Variants in PTPRD observed in about 807,000 individuals in gnomAD.
PTPRD encodes the protein protein tyrosine phosphatase receptor type D, also known as receptor-type tyrosine-protein phosphatase delta.
A neutral mutation model predicts 214.5 loss-of-function variants in PTPRD; 34 were observed. The observed-to-expected ratio is 0.16, with a 90% CI of 0.12 to 0.21. PTPRD has a LOEUF of 0.21. Among genes scored for constraint, PTPRD ranks in the 10% least tolerant of loss-of-function variants. PTPRD has a pLI of 1.00. For synonymous variants in PTPRD, 1,128 were observed against 845.7 expected (o/e 1.33, Z -5.79); for missense variants, 2,545 against 2,398.7 (o/e 1.06, Z -1.27).
intron 6 of PTPRD, among the ~76,000 whole-genome samples, chr9:9,745,908 C>A (rs1282126627): frequency 6.6e-6 from 1 of 152,050 alleles, no homozygotes; most frequent in Non-Finnish European, 1.5e-5. Flanking sequence ...GTATAATAGG[C>A]TTTAATAATA....
chr9:8,418,610 T>G (rs1404218624), intron 35 of PTPRD, among the ~76,000 whole-genome samples: 1 of 151,972 alleles, frequency 6.6e-6, no homozygotes, highest in Non-Finnish European at 1.5e-5. Flanking sequence ...TGTCTCAATT[T>G]CTGTGAAAGT....
At chr9:9,559,216 T>C (rs553863416) in intron 8 of PTPRD, among the ~76,000 whole-genome samples, 1 of 152,090 alleles carries the variant, frequency 6.6e-6, no homozygotes, top group East Asian at 1.9e-4. Flanking sequence ...GGGTAAGTTG[T>C]CTACAGGATG....
chr9:8,338,421 A>G (rs1045004963), intron 43 of PTPRD, among the ~76,000 whole-genome samples: 3 of 152,266 alleles, frequency 2.0e-5, no homozygotes, highest in Admixed American at 6.5e-5. Flanking sequence ...AAGCCATGCC[A>G]GGAATCAAAT....
At chr9:9,749,031 CCTT>C (rs34309675) in intron 6 of PTPRD, among the ~76,000 whole-genome samples, 78,632 of 151,494 alleles carry the variant, frequency 0.52, 23,356 homozygotes, top group African/African-American at 0.81. Context: ...GTATAATCTC[CCTT>C]CTTCTTCTTT....
At chr9:9,078,093 C>T (rs1005652331) in intron 10 of PTPRD, among the ~76,000 whole-genome samples, 2 of 151,978 alleles carry the variant, frequency 1.3e-5, no homozygotes, top group African/African-American at 2.4e-5. Context: ...CTTCATATAA[C>T]ATTTGAGTCC....
chr9:8,832,137 T>C (rs1342593347), intron 11 of PTPRD, among the ~76,000 whole-genome samples: 1 of 150,436 alleles, frequency 6.6e-6, no homozygotes, highest in Non-Finnish European at 1.5e-5. Flanking sequence ...TGTGTGTGTA[T>C]GATCTATACA....
At chr9:9,315,445 T>C (rs536925730) in intron 9 of PTPRD, among the ~76,000 whole-genome samples, 1 of 152,088 alleles carries the variant, frequency 6.6e-6, no homozygotes, top group South Asian at 2.1e-4. Flanking sequence ...TTAAAAATTG[T>C]AGAAAAGGAA....
chr9:9,935,479 G>A (rs1465238348), intron 5 of PTPRD, among the ~76,000 whole-genome samples: 3 of 152,050 alleles, frequency 2.0e-5, no homozygotes, highest in Non-Finnish European at 4.4e-5. Flanking sequence ...ATTCACAATT[G>A]CTTCAAAGAG....
chr9:9,219,392 T>C (rs1314499961), intron 9 of PTPRD, among the ~76,000 whole-genome samples: 4 of 147,174 alleles, frequency 2.7e-5, no homozygotes, highest in African/African-American at 1.0e-4. Flanking sequence ...TCCATAATGA[T>C]AATGCATCTT....
In PTPRD at chr9:10,062,246, G is replaced by A. The variant is rs559554250; in HGVS notation, c.-544-28456C>T. Among the ~76,000 whole-genome samples the A allele has an allele frequency of 1.2e-4, 18 of 152,122 alleles. No individual in the cohort carries two copies. In the South Asian group the frequency reaches 3.5e-3, roughly 30 times the overall value. ...AAGATGTAAGACTTTTCTATCCACA[G>A]CGTGATAAGTAATTGTATTCCACCA... On this transcript the variant is annotated intron_variant, in intron 3 of 45. Transcript: ENST00000381196.
At chr9:8,979,024 T>C (rs1164111333) in intron 11 of PTPRD, among the ~76,000 whole-genome samples, 11 of 152,134 alleles carry the variant, frequency 7.2e-5, no homozygotes, top group Admixed American at 6.6e-4. Context: ...TCTTGTGAAG[T>C]TGAAAAATCT....
chr9:9,490,710 G>T (rs1477191760), intron 8 of PTPRD, among the ~76,000 whole-genome samples: 1 of 151,148 alleles, frequency 6.6e-6, no homozygotes, highest in Non-Finnish European at 1.5e-5. Context: ...CACAAAGAAA[G>T]CAGCTATAAA....
At chr9:9,012,069 T>C (rs1465665555) in intron 11 of PTPRD, among the ~76,000 whole-genome samples, 1 of 152,126 alleles carries the variant, frequency 6.6e-6, no homozygotes, top group African/African-American at 2.4e-5. Flanking sequence ...CAAGGTACCA[T>C]GTTGTGAGAG....
At chr9:9,265,467 C>G (rs1289849212) in intron 9 of PTPRD, among the ~76,000 whole-genome samples, 1 of 151,350 alleles carries the variant, frequency 6.6e-6, no homozygotes, top group Non-Finnish European at 1.5e-5. Flanking sequence ...CTGTGTTGCC[C>G]AGGCTAGTCT....
intron 9 of PTPRD, among the ~76,000 whole-genome samples, chr9:9,306,580 A>G (rs1000044220): frequency 6.6e-6 from 1 of 151,866 alleles, no homozygotes; most frequent in Non-Finnish European, 1.5e-5. Context: ...AAAAAAAAAA[A>G]AAAAAAAAAT....
intron 3 of PTPRD, among the ~76,000 whole-genome samples, chr9:10,291,690 C>T (rs2095531954): frequency 6.6e-6 from 1 of 152,000 alleles, no homozygotes; most frequent in Non-Finnish European, 1.5e-5. Context: ...GGGAAAGCAG[C>T]CCTGAAGATA....
chr9:9,695,735 C>A (rs955873001), intron 7 of PTPRD, among the ~76,000 whole-genome samples: 4 of 151,928 alleles, frequency 2.6e-5, no homozygotes, highest in Non-Finnish European at 4.4e-5. Context: ...ATTCTTGTAT[C>A]CCTGGATTGA....
chr9:8,493,049 G>T lies in PTPRD; in HGVS notation c.2350-70C>A, dbSNP rs985025877. The T allele has an allele frequency of 6.1e-6, 8 of 1,310,166 alleles. No individual in the cohort carries two copies. The African/African-American group carries it at 8.7e-5, about 14-fold the overall frequency. The allele number at this position is 1,310,166 out of a possible 1,614,324, so 81.2% of individuals were successfully genotyped here. ...AATGCTCTGGGGGAAAAACAAGGCC[G>T]TCTGCCTTCATTCTGCAAATGCTCG... On this transcript the variant is annotated intron_variant, in intron 26 of 45. Coordinates refer to ENST00000381196, the MANE Select transcript of PTPRD (RefSeq NM_002839.4).
chr9:8,838,150 A>G (rs1019730666), intron 11 of PTPRD, among the ~76,000 whole-genome samples: 2 of 152,156 alleles, frequency 1.3e-5, no homozygotes, highest in South Asian at 4.1e-4. Context: ...TGACTGACTT[A>G]ATCACAGATG....
Sources: gnomAD v4.1 joint callset for allele counts (sites outside exome capture counted in the v4.1 genomes callset) on GRCh38, gnomAD v4.1.1 for gene constraint, MANE v1.5 for transcripts, NCBI Gene and HGNC (gene_info 2026-07-23, HGNC 2026-07-21) for gene names.